Variants in ZNF445 observed in about 807,000 individuals in gnomAD.
ZNF445 encodes zinc finger protein 445, also known as zinc finger protein 168.
ZNF445 carries 19 observed loss-of-function variants against 93.9 expected under a neutral mutation model. The observed-to-expected ratio is 0.20, with a 90% CI of 0.14 to 0.30. ZNF445 has a LOEUF of 0.30. Among genes scored for constraint, ZNF445 ranks in the 10% least tolerant of loss-of-function variants. The pLI is 1.00. For missense variants in ZNF445, 1,058 were observed against 1,259.4 expected (o/e 0.84, Z 2.42); for synonymous variants, 449 against 446.3 (o/e 1.01, Z -0.08).
At chr3:44,464,091 A>G (rs1454830815) in intron 1 of ZNF445, among the ~76,000 whole-genome samples, 1 of 152,056 alleles carries the variant, frequency 6.6e-6, no homozygotes, top group Non-Finnish European at 1.5e-5. Context: ...GTACCATTGC[A>G]CTGCAGCTTG....
At chr3:44,461,405 A>T (rs1210789638) in intron 1 of ZNF445, among the ~76,000 whole-genome samples, 1 of 152,192 alleles carries the variant, frequency 6.6e-6, no homozygotes, top group Non-Finnish European at 1.5e-5. Context: ...GATCTGATTT[A>T]GAAGGCTGTC....
chr3:44,464,107 C>T (rs1436680143), intron 1 of ZNF445, among the ~76,000 whole-genome samples: 2 of 151,896 alleles, frequency 1.3e-5, no homozygotes, highest in East Asian at 3.9e-4. Flanking sequence ...GCTTGGATGT[C>T]GCAGTGAGAC....
intron 3 of ZNF445, 89 bp downstream of exon 3, chr3:44,455,032 G>T (rs1698008449): frequency 4.6e-6 from 7 of 1,518,114 alleles, no homozygotes; most frequent in Non-Finnish European, 6.3e-6. Context: ...CCTCTATATT[G>T]ACAGTTTAGA....
chr3:44,462,969 A>G (rs1698138265), intron 1 of ZNF445, among the ~76,000 whole-genome samples: 1 of 151,520 alleles, frequency 6.6e-6, no homozygotes. Context: ...GTTTTACTGG[A>G]AAAAGATTTT....
rs1399374997 is a variant in ZNF445, at chr3:44,439,848, T to G, written c.*6727A>C. ...GGGCACCCACGCCAGTCTGTTGGGC[T>G]TCAGTGAAAGGACGAACAAGTGGCT... is the stretch of plus-strand genomic sequence containing the variant. On this transcript the variant is annotated 3_prime_UTR_variant, in exon 8 of 8. Coordinates refer to ENST00000396077, the MANE Select transcript of ZNF445 (RefSeq NM_181489.6). 1 of 152,288 alleles carries G rather than the reference T, an allele frequency of 6.6e-6. No homozygotes were observed. Among genetic ancestry groups the G allele is most frequent in the African/African-American group, 2.4e-5 (1 of 41,468 alleles). The allele number at this position is 152,288 out of a possible 1,614,324, so 9.4% of individuals were successfully genotyped here. A position where few individuals can be genotyped will look rare whatever the true frequency, so the allele number is the denominator to read the frequency against.
intron 1 of ZNF445, among the ~76,000 whole-genome samples, chr3:44,468,708 G>A (rs1698226620): frequency 8.3e-6 from 1 of 120,516 alleles, no homozygotes. Flanking sequence ...CTCAGCACAA[G>A]ACGACAGCTG....
Position 44,440,640 on chromosome 3 carries a change from T to G in ZNF445, c.*5935A>C, listed in dbSNP as rs569869219. 1 of 152,108 alleles carries G rather than the reference T, an allele frequency of 6.6e-6. No homozygotes were observed. The highest frequency in any genetic ancestry group is 2.1e-4 in the South Asian group (1 of 4,818). The allele number at this position is 152,108 out of a possible 1,614,324, so 9.4% of individuals were successfully genotyped here. ...TCGTGATCCAGTCCCCAAGAGAGAGTTCTTGGACCTTGCTCAAGAAAAGAA... is the reference window on the plus strand; with the variant it reads ...TCGTGATCCAGTCCCCAAGAGAGAGGTCTTGGACCTTGCTCAAGAAAAGAA... On this transcript the variant is annotated 3_prime_UTR_variant, in exon 8 of 8. Coordinates refer to ENST00000396077, the MANE Select transcript of ZNF445 (RefSeq NM_181489.6).
At position 44,435,585 on chromosome 3, in the gene ZNF445, AG is replaced by A. The variant is rs1559385448; in HGVS notation, c.*10989del. ...TGGCACTAATCTCAACAATCTCTCC[AG>A]GAATGTGGTATTAGTTTGCTTTAAT... On this transcript the variant is annotated 3_prime_UTR_variant, in exon 8 of 8. Transcript: ENST00000396077. 6.6e-6 allele frequency: 1 copy of A among 152,220 alleles called. No homozygotes were observed. The highest frequency in any genetic ancestry group is 1.5e-5 in the Non-Finnish European group (1 of 68,048). 9.4% of individuals were successfully genotyped at this position (152,220 alleles called of 1,614,324 possible).
At chr3:44,472,073 T>G (rs1698277304) in intron 1 of ZNF445, among the ~76,000 whole-genome samples, 1 of 151,916 alleles carries the variant, frequency 6.6e-6, no homozygotes, top group African/African-American at 2.4e-5. Context: ...TGGCCAAACT[T>G]GCAGAACAGA....
rs759282227 is a variant in ZNF445 at position 44,446,973 on chromosome 3, A to C, written c.2698T>G (p.Trp900Gly). 4 of 1,614,046 alleles carry C rather than the reference A, an allele frequency of 2.5e-6. No individual in the cohort carries two copies. Among genetic ancestry groups the C allele is most frequent in the Admixed American group, 1.7e-5 (1 of 60,004 alleles). The part of the protein sequence containing the change: ...HSTERPFKCQ[W>G]CGKEFIGRHT... ...CTCCCAATGAACTCTTTCCCACACC[A>C]CTGACATTTGAAAGGTCTCTCTGTA... The change falls in exon 8 of 8, where the codon TGG (tryptophan) becomes GGG (glycine). Residue 900 changes from tryptophan (W) to glycine (G), a missense_variant. Transcript: ENST00000396077. This position sits in a 1 kb window ranked among gnomAD's most constrained non-coding sequence, Gnocchi z 4.2.
chr3:44,449,302 G>C (rs1697926184), intron 7 of ZNF445, among the ~76,000 whole-genome samples: 1 of 152,010 alleles, frequency 6.6e-6, no homozygotes, highest in Non-Finnish European at 1.5e-5. Context: ...TGTGAGAAGG[G>C]GACAGGAGAA....
chr3:44,468,136 G>T (rs1446357420), intron 1 of ZNF445, among the ~76,000 whole-genome samples: 1 of 152,192 alleles, frequency 6.6e-6, no homozygotes, highest in Non-Finnish European at 1.5e-5. Flanking sequence ...TTCTCACGCT[G>T]GGGTTCACTC....
intron 1 of ZNF445, among the ~76,000 whole-genome samples, chr3:44,465,708 T>C (rs1296996277): frequency 1.3e-5 from 2 of 152,112 alleles, no homozygotes; most frequent in East Asian, 3.9e-4. Flanking sequence ...AGGTTGGTAG[T>C]TCAAGGCCAG....
chr3:44,462,376 C>T (rs1224812836), intron 1 of ZNF445, among the ~76,000 whole-genome samples: 4 of 152,108 alleles, frequency 2.6e-5, no homozygotes, highest in African/African-American at 9.7e-5. Context: ...TCATAGGTAG[C>T]CCTAAAAATT....
chr3:44,454,999 G>C (rs1354409342), intron 3 of ZNF445, 122 bp downstream of exon 3: 4 of 1,249,916 alleles, frequency 3.2e-6, no homozygotes, highest in Non-Finnish European at 4.5e-6. Flanking sequence ...ACCATGGGAA[G>C]AAAGGAAGGC....
intron 1 of ZNF445, among the ~76,000 whole-genome samples, chr3:44,467,280 A>G (rs1287050036): frequency 4.6e-5 from 7 of 152,234 alleles, no homozygotes; most frequent in Admixed American, 4.6e-4. Context: ...TTTGGAAACT[A>G]TATGTGAATA....
intron 1 of ZNF445, among the ~76,000 whole-genome samples, chr3:44,462,472 T>G (rs916785174): frequency 2.0e-5 from 3 of 152,188 alleles, no homozygotes; most frequent in Admixed American, 6.5e-5. Context: ...CGCTCATTGC[T>G]CTAACTCAGT....
rs1697581994 is a variant in ZNF445 at position 44,432,648 on chromosome 3, G to A, written c.*13927C>T. 6.6e-6 allele frequency: 1 copy of A among 152,188 alleles called. No homozygotes were observed. Among genetic ancestry groups the A allele is most frequent in the Non-Finnish European group, 1.5e-5 (1 of 68,082 alleles). 9.4% of individuals were successfully genotyped at this position (152,188 alleles called of 1,614,324 possible). ...TTCCTCAAAGTCCACAAATTTAAAC[G>A]TTAATCTCATCCAAAGCAACCTCAC... On this transcript the variant is annotated 3_prime_UTR_variant, in exon 8 of 8. Transcript: ENST00000396077.
At chr3:44,474,436 C>T (rs1367711894) in intron 1 of ZNF445, among the ~76,000 whole-genome samples, 2 of 151,928 alleles carry the variant, frequency 1.3e-5, no homozygotes, top group African/African-American at 4.8e-5. Flanking sequence ...ATCACTTGAA[C>T]CTGGGAGGCG....
Sources: allele counts gnomAD v4.1 joint callset (sites outside exome capture counted in the v4.1 genomes callset), GRCh38; gene constraint gnomAD v4.1.1; non-coding constraint Gnocchi (gnomAD v3.1); transcripts MANE v1.5; gene names NCBI Gene and HGNC (gene_info 2026-07-23, HGNC 2026-07-21).